CFAP299: variants seen among roughly 807,000 people sequenced by gnomAD.
The protein encoded by CFAP299 is cilia and flagella associated protein 299, also known as cilia- and flagella-associated protein 299.
Under a neutral mutation model 27.0 loss-of-function variants are expected in CFAP299, and 21 were observed. The observed-to-expected ratio is 0.78, with a 90% CI of 0.55 to 1.12. The LOEUF (loss-of-function observed/expected upper bound fraction) is 1.12, where lower values mean the gene tolerates loss of function less well. Among genes scored for constraint, CFAP299 ranks in the 50% most tolerant of loss-of-function variants. The pLI, the probability that CFAP299 is intolerant of heterozygous loss-of-function variation, is 0.00. For missense variants in CFAP299, 310 were observed against 276.6 expected (o/e 1.12, Z -0.86); for synonymous variants, 104 against 98.1 (o/e 1.06, Z -0.36).
chr4:80,607,424 T>A (rs1430357246), intron 3 of CFAP299, among the ~76,000 whole-genome samples: 1 of 146,602 alleles, frequency 6.8e-6, no homozygotes, highest in Non-Finnish European at 1.5e-5. Flanking sequence ...ACAGAGAAAG[T>A]GGAAGAGACA....
At chr4:80,390,792 T>G (rs1351373887) in intron 2 of CFAP299, among the ~76,000 whole-genome samples, 2 of 143,664 alleles carry the variant, frequency 1.4e-5, no homozygotes, top group Non-Finnish European at 3.0e-5. Flanking sequence ...TACACATATA[T>G]GTATATGTAT....
chr4:80,449,104 G>C (rs1278519101), intron 2 of CFAP299, among the ~76,000 whole-genome samples: 1 of 152,066 alleles, frequency 6.6e-6, no homozygotes, highest in African/African-American at 2.4e-5. Context: ...ATCCCAACAA[G>C]CCAAATGCAT....
chr4:80,683,214 T>C (rs955014837), intron 3 of CFAP299, among the ~76,000 whole-genome samples: 7 of 152,306 alleles, frequency 4.6e-5, no homozygotes, highest in African/African-American at 1.7e-4. Context: ...TAAATAATTA[T>C]TGATTTGCAA....
In CFAP299 at chr4:80,583,284, A is replaced by G. The variant is rs567359486; in HGVS notation, c.333+101A>G. On this transcript the variant is annotated intron_variant, in intron 3 of 5. Coordinates refer to ENST00000358105, the MANE Select transcript of CFAP299 (RefSeq NM_152770.3). ...TATCTTTCTTAAAGTAATTTACAAG[A>G]TATAAAATATGATTCCTCTTTATTA... 1.1e-5 allele frequency: 6 copies of G among 568,438 alleles called. No homozygotes were observed. In the Admixed American group the frequency reaches 1.8e-4, roughly 17 times the overall value. The allele number at this position is 568,438 out of a possible 1,614,324, so 35.2% of individuals were successfully genotyped here. A position where few individuals can be genotyped will look rare whatever the true frequency, so the allele number is the denominator to read the frequency against.
At chr4:80,487,674 T>C (rs1730897239) in intron 2 of CFAP299, among the ~76,000 whole-genome samples, 1 of 152,196 alleles carries the variant, frequency 6.6e-6, no homozygotes, top group African/African-American at 2.4e-5. Context: ...GGAATAAGTA[T>C]GGAAGCTGAG....
chr4:80,387,415 G>T, intron 2 of CFAP299: 2 of 956,660 alleles, frequency 2.1e-6, no homozygotes, highest in South Asian at 1.3e-5. Context: ...TGCTGGGGCA[G>T]AACTGGAACA....
intron 2 of CFAP299, among the ~76,000 whole-genome samples, chr4:80,376,314 A>G (rs1428222745): frequency 3.3e-5 from 5 of 152,188 alleles, no homozygotes; most frequent in Non-Finnish European, 4.4e-5. Context: ...TCTGTTTTCC[A>G]GTCGATGGAT....
intron 3 of CFAP299, among the ~76,000 whole-genome samples, chr4:80,626,077 G>A (rs887681036): frequency 6.6e-6 from 1 of 151,862 alleles, no homozygotes; most frequent in African/African-American, 2.4e-5. Context: ...CAAAGCTGCA[G>A]AATATATATT....
At chr4:80,566,177 T>C (rs1346935438) in intron 2 of CFAP299, among the ~76,000 whole-genome samples, 1 of 152,144 alleles carries the variant, frequency 6.6e-6, no homozygotes, top group East Asian at 1.9e-4. Flanking sequence ...AGTCTTTCTC[T>C]CCATCACTTG....
chr4:80,850,889 G>C (rs530486791), intron 3 of CFAP299, among the ~76,000 whole-genome samples: 1 of 152,092 alleles, frequency 6.6e-6, no homozygotes, highest in Non-Finnish European at 1.5e-5. Context: ...ATTTCTTGAA[G>C]CTAAAATCAG....
At chr4:80,531,754 T>TTG (rs1353844986) in intron 2 of CFAP299, among the ~76,000 whole-genome samples, 2 of 126,618 alleles carry the variant, frequency 1.6e-5, no homozygotes, top group African/African-American at 6.2e-5. Flanking sequence ...GAAGTTTTTT[T>TTG]TTTTTTTTTT....
At chr4:80,927,707 A>T (rs1294923502) in intron 4 of CFAP299, among the ~76,000 whole-genome samples, 2 of 152,140 alleles carry the variant, frequency 1.3e-5, no homozygotes, top group Non-Finnish European at 2.9e-5. Context: ...TCTGAAAGCC[A>T]GCAACAGTGT....
chr4:80,441,947 TCAGAGA>T (rs1389374441), intron 2 of CFAP299, among the ~76,000 whole-genome samples: 1 of 152,034 alleles, frequency 6.6e-6, no homozygotes, highest in African/African-American at 2.4e-5. Flanking sequence ...ACAAAGATCA[TCAGAGA>T]CAAAGAAGGG....
At chr4:80,592,775 G>A (rs1439827705) in intron 3 of CFAP299, among the ~76,000 whole-genome samples, 1 of 152,140 alleles carries the variant, frequency 6.6e-6, no homozygotes, top group Non-Finnish European at 1.5e-5. Flanking sequence ...GTAATTTAGT[G>A]TTTTTGCTAT....
intron 2 of CFAP299, among the ~76,000 whole-genome samples, chr4:80,410,607 G>A (rs1230726073): frequency 2.0e-5 from 3 of 152,158 alleles, no homozygotes; most frequent in Non-Finnish European, 4.4e-5. Flanking sequence ...TCCATGTATA[G>A]AACTGTATTG....
At chr4:80,541,061 T>C (rs1560614984) in intron 2 of CFAP299, among the ~76,000 whole-genome samples, 1 of 152,160 alleles carries the variant, frequency 6.6e-6, no homozygotes, top group Non-Finnish European at 1.5e-5. Context: ...AGAAATTTGC[T>C]TCCCCTAAGA....
At chr4:80,540,076 G>A (rs1164819910) in intron 2 of CFAP299, among the ~76,000 whole-genome samples, 2 of 152,182 alleles carry the variant, frequency 1.3e-5, no homozygotes, top group East Asian at 3.9e-4. Flanking sequence ...TTTGCCAAAG[G>A]AATTAATTCA....
intron 2 of CFAP299, among the ~76,000 whole-genome samples, chr4:80,502,107 G>A (rs924394967): frequency 6.6e-6 from 1 of 152,016 alleles, no homozygotes; most frequent in African/African-American, 2.4e-5. Flanking sequence ...TTTGTGCAGT[G>A]TTGGCAAACC....
upstream of CFAP299, among the ~76,000 whole-genome samples, chr4:80,331,002 TAATC>T (rs1295611090): frequency 6.6e-6 from 1 of 152,204 alleles, no homozygotes; most frequent in African/African-American, 2.4e-5. Context: ...TACTTTATAA[TAATC>T]AAGATATTGC....
Sources: gnomAD v4.1 joint callset for allele counts (sites outside exome capture counted in the v4.1 genomes callset) on GRCh38, gnomAD v4.1.1 for gene constraint, MANE v1.5 for transcripts, NCBI Gene and HGNC (gene_info 2026-07-23, HGNC 2026-07-21) for gene names.